The following ITFG1 variants were observed in gnomAD, a reference collection of about 807,000 sequenced individuals.
ITFG1 encodes the protein integrin alpha FG-GAP repeat containing 1.
ITFG1 carries 34 observed loss-of-function variants against 81.8 expected under a neutral mutation model. The observed-to-expected ratio is 0.42, with a 90% confidence interval of 0.32 to 0.55. The LOEUF (loss-of-function observed/expected upper bound fraction) is 0.55. Ranked by LOEUF, ITFG1 falls within the 20% of genes least tolerant of loss-of-function variation. The pLI is 0.17. For synonymous variants in ITFG1, 285 were observed against 270.6 expected (o/e 1.05, Z -0.52); for missense variants, 672 against 755.4 (o/e 0.89, Z 1.29).
intron 14 of ITFG1, among the ~76,000 whole-genome samples, chr16:47,199,593 T>G (rs1965400095): frequency 6.6e-6 from 1 of 152,188 alleles, no homozygotes; most frequent in South Asian, 2.1e-4. Context: ...CTAGGCGTAA[T>G]AATAGGCTAT....
intron 14 of ITFG1, among the ~76,000 whole-genome samples, chr16:47,216,788 A>G (rs1004429634): frequency 6.6e-6 from 1 of 151,742 alleles, no homozygotes; most frequent in East Asian, 1.9e-4. Flanking sequence ...CAGCCTCCTG[A>G]GTAGCTGGAA....
At chr16:47,408,520 A>G (rs1339997493) in intron 6 of ITFG1, among the ~76,000 whole-genome samples, 1 of 152,230 alleles carries the variant, frequency 6.6e-6, no homozygotes, top group East Asian at 1.9e-4. Flanking sequence ...AAAAAGGTAA[A>G]GAGTCCCTGG....
At position 47,260,689 on chromosome 16, in the gene ITFG1, C is replaced by T; in HGVS notation, c.1077G>A (p.Gln359=). The part of the protein sequence containing the change: ...VILKNTSGSN[Q]QAFLLENVPC... Reference sequence around the variant, plus strand: ...GGACGTTCTCCAGTAAAAAGGCCTGCTGGTTGCTGTGCGCCAAAGGAAAGG... The same window carrying T: ...GGACGTTCTCCAGTAAAAAGGCCTGTTGGTTGCTGTGCGCCAAAGGAAAGG... Residue 359 remains glutamine, a synonymous_variant, in exon 11 of 18, where the codon CAG becomes CAA. Transcript: ENST00000320640. 6.2e-7 allele frequency: 1 copy of T among 1,614,168 alleles called. No individual in the cohort carries two copies. Among genetic ancestry groups the T allele is most frequent in the Non-Finnish European group, 8.5e-7 (1 of 1,180,022 alleles).
At chr16:47,409,404 A>ATTTATT (rs1968778508) in intron 6 of ITFG1, among the ~76,000 whole-genome samples, 1 of 6,102 alleles carries the variant, frequency 1.6e-4, no homozygotes, top group Non-Finnish European at 2.9e-4. Flanking sequence ...ATATATATAT[A>ATTTATT]TTTTTTTTTT....
At chr16:47,447,257 C>T (rs1279258385) in intron 5 of ITFG1, among the ~76,000 whole-genome samples, 2 of 152,126 alleles carry the variant, frequency 1.3e-5, no homozygotes, top group African/African-American at 4.8e-5. Context: ...AGTTTTAATA[C>T]ATTCCAATAA....
At chr16:47,352,009 T>G (rs1363153417) in intron 8 of ITFG1, among the ~76,000 whole-genome samples, 2 of 152,148 alleles carry the variant, frequency 1.3e-5, no homozygotes, top group East Asian at 3.8e-4. Flanking sequence ...TAGCCATATG[T>G]AGAAAGCTGA....
chr16:47,207,327 G>A (rs566984496), intron 14 of ITFG1, among the ~76,000 whole-genome samples: 41 of 152,210 alleles, frequency 2.7e-4, no homozygotes, highest in African/African-American at 7.7e-4. Flanking sequence ...CTCGTGATCC[G>A]CCCATCTCGG....
At chr16:47,191,362 A>G (rs1438037386) in intron 14 of ITFG1, among the ~76,000 whole-genome samples, 1 of 151,896 alleles carries the variant, frequency 6.6e-6, no homozygotes, top group Non-Finnish European at 1.5e-5. Flanking sequence ...GGCCCAACAC[A>G]AATTCATAAA....
intron 10 of ITFG1, among the ~76,000 whole-genome samples, chr16:47,263,980 T>A (rs1966243861): frequency 1.3e-5 from 2 of 152,222 alleles, no homozygotes. Context: ...GAAGAACCTT[T>A]ACCCATTTGG....
intron 6 of ITFG1, among the ~76,000 whole-genome samples, chr16:47,376,311 C>T (rs1335470012): frequency 6.6e-6 from 1 of 152,016 alleles, no homozygotes; most frequent in Non-Finnish European, 1.5e-5. Flanking sequence ...AAGCAAGCAA[C>T]ACTTACCTAT....
At chr16:47,376,897 A>G (rs1968331683) in intron 6 of ITFG1, among the ~76,000 whole-genome samples, 1 of 130,658 alleles carries the variant, frequency 7.7e-6, no homozygotes, top group African/African-American at 2.9e-5. Context: ...TGAACCCAGG[A>G]GGCGGAGGTT....
intron 13 of ITFG1, among the ~76,000 whole-genome samples, chr16:47,221,743 C>T (rs180764243): frequency 1.3e-5 from 2 of 152,258 alleles, no homozygotes; most frequent in Admixed American, 6.5e-5. Context: ...AAGCTATTGA[C>T]TATTGCCACA....
At chr16:47,260,131 G>A (rs1596842630) in intron 11 of ITFG1, among the ~76,000 whole-genome samples, 2 of 151,902 alleles carry the variant, frequency 1.3e-5, no homozygotes, top group South Asian at 4.2e-4. Context: ...TAGAGACGGG[G>A]TTTCTCTGTG....
chr16:47,410,374 G>C (rs1442761657), intron 6 of ITFG1, among the ~76,000 whole-genome samples: 1 of 151,976 alleles, frequency 6.6e-6, no homozygotes, highest in Non-Finnish European at 1.5e-5. Context: ...TATATGAAAA[G>C]CTATTTAATA....
chr16:47,454,875 A>C (rs1298105863), intron 2 of ITFG1, among the ~76,000 whole-genome samples: 4 of 152,200 alleles, frequency 2.6e-5, no homozygotes, highest in African/African-American at 7.2e-5. Context: ...AATTCATTTT[A>C]TACTTAATTC....
At chr16:47,407,093 A>C (rs1968738714) in intron 6 of ITFG1, among the ~76,000 whole-genome samples, 1 of 152,188 alleles carries the variant, frequency 6.6e-6, no homozygotes, top group Admixed American at 6.5e-5. Context: ...CTATTTATCC[A>C]AATGTAATGA....
At chr16:47,355,393 T>C (rs1968024667) in intron 8 of ITFG1, among the ~76,000 whole-genome samples, 1 of 152,030 alleles carries the variant, frequency 6.6e-6, no homozygotes, top group Admixed American at 6.6e-5. Context: ...GGGGAGAGGA[T>C]ATGGAGAGAG....
intron 8 of ITFG1, among the ~76,000 whole-genome samples, chr16:47,329,328 A>G (rs16955741): frequency 0.021 from 3,249 of 152,202 alleles, 114 homozygotes; most frequent in African/African-American, 0.074. Flanking sequence ...TGCTTAGTCA[A>G]TTCAGTTTTT....
chr16:47,266,172 G>C (rs950336534), intron 10 of ITFG1, among the ~76,000 whole-genome samples: 7 of 152,042 alleles, frequency 4.6e-5, no homozygotes, highest in African/African-American at 1.7e-4. Flanking sequence ...AAACCACAAT[G>C]AGACAACACT....
Sources: allele counts gnomAD v4.1 joint callset (sites outside exome capture counted in the v4.1 genomes callset), GRCh38; gene constraint gnomAD v4.1.1; transcripts MANE v1.5; gene names NCBI Gene and HGNC (gene_info 2026-07-23, HGNC 2026-07-21).